Variants in SGCZ observed in about 807,000 individuals in gnomAD.
SGCZ encodes the protein sarcoglycan zeta.
A neutral mutation model predicts 41.3 loss-of-function variants in SGCZ; 40 were observed. The observed-to-expected ratio is 0.97, with a 90% confidence interval of 0.75 to 1.26. The LOEUF is 1.26. SGCZ is among the 50% of genes most tolerant of loss of function. The probability of loss-of-function intolerance (pLI) is 0.00; values close to 1 mark genes in which losing one functional copy is unlikely to be tolerated. For synonymous variants in SGCZ, 206 were observed against 137.5 expected (o/e 1.50, Z -3.49); for missense variants, 552 against 369.8 (o/e 1.49, Z -4.04).
rs150795197 is a variant in SGCZ at position 15,022,030 on chromosome 8, T to C, written c.39+215555A>G. 2.6e-5 allele frequency among the ~76,000 whole-genome samples: 4 copies of C among 152,340 alleles called. No individual in the cohort carries two copies. In the East Asian group the frequency reaches 7.7e-4, roughly 29 times the overall value. On this transcript the variant is annotated intron_variant, in intron 1 of 7. Coordinates refer to ENST00000382080, the MANE Select transcript of SGCZ (RefSeq NM_139167.4). ...ACCTTTCACATTTTGCCCTCTGTAA[T>C]AATGCTATAAACTGGTCCTTCTGGT...
chr8:14,198,482 A>G (rs143135472), intron 4 of SGCZ, among the ~76,000 whole-genome samples: 1,683 of 152,238 alleles, frequency 0.011, 16 homozygotes, highest in Non-Finnish European at 0.018. Flanking sequence ...AAAACTACCT[A>G]TTGAATAGTA....
intron 1 of SGCZ, among the ~76,000 whole-genome samples, chr8:14,867,659 A>G (rs760899855): frequency 1.3e-5 from 2 of 152,202 alleles, no homozygotes; most frequent in South Asian, 4.1e-4. Context: ...TAGCAAACTA[A>G]CACAGGAACA....
intron 1 of SGCZ, among the ~76,000 whole-genome samples, chr8:15,045,240 T>C (rs1419716738): frequency 1.3e-5 from 2 of 152,008 alleles, no homozygotes. Context: ...ACAAGAGACA[T>C]GATAAAATTC....
intron 2 of SGCZ, among the ~76,000 whole-genome samples, chr8:14,464,398 C>T (rs1345679093): frequency 6.6e-6 from 1 of 150,914 alleles, no homozygotes; most frequent in East Asian, 1.9e-4. Flanking sequence ...TTCACAGTTG[C>T]ATGTAGGACT....
In SGCZ at chr8:15,105,426, G is replaced by T. The variant is rs1187830266; in HGVS notation, c.39+132159C>A. 2.0e-5 allele frequency among the ~76,000 whole-genome samples: 3 copies of T among 152,252 alleles called. No homozygotes were observed. The East Asian group carries it at 5.8e-4, about 29-fold the overall frequency. On this transcript the variant is annotated intron_variant, in intron 1 of 7. Transcript: ENST00000382080. Reference sequence around the variant, plus strand: ...GCTATACAAGAAGCATGGCTAGGGTGCCTCAGGAAACGTACAATCAAGGCA... The same window carrying T: ...GCTATACAAGAAGCATGGCTAGGGTTCCTCAGGAAACGTACAATCAAGGCA...
intron 2 of SGCZ, among the ~76,000 whole-genome samples, chr8:14,423,807 TC>T (rs1799702218): frequency 6.6e-6 from 1 of 152,154 alleles, no homozygotes; most frequent in African/African-American, 2.4e-5. Flanking sequence ...TTTACCACTC[TC>T]CCTCTCTCAT....
At chr8:14,776,956 T>C (rs1485920250) in intron 1 of SGCZ, among the ~76,000 whole-genome samples, 2 of 152,176 alleles carry the variant, frequency 1.3e-5, no homozygotes, top group South Asian at 2.1e-4. Flanking sequence ...TGGAATAAAA[T>C]ACAATTTCCA....
rs557269757 is a variant in SGCZ at position 15,010,232 on chromosome 8, A to G, written c.39+227353T>C. Among the ~76,000 whole-genome samples the G allele has an allele frequency of 3.3e-5, 5 of 152,216 alleles. No homozygotes were observed. The South Asian group carries it at 1.0e-3, about 31-fold the overall frequency. Reference sequence around the variant, plus strand: ...AAATAGAAGAATGCTTTCAATGCAAATAATTTCTTAATTTAAATAATTCTT... The same window carrying G: ...AAATAGAAGAATGCTTTCAATGCAAGTAATTTCTTAATTTAAATAATTCTT... On this transcript the variant is annotated intron_variant, in intron 1 of 7. Coordinates refer to ENST00000382080, the MANE Select transcript of SGCZ (RefSeq NM_139167.4).
chr8:15,188,449 T>A (rs1800420359), intron 1 of SGCZ, among the ~76,000 whole-genome samples: 1 of 152,138 alleles, frequency 6.6e-6, no homozygotes, highest in Admixed American at 6.5e-5. Context: ...GTGTAAGAAA[T>A]CAGTTTCACT....
intron 1 of SGCZ, among the ~76,000 whole-genome samples, chr8:15,026,524 C>T (rs1159514464): frequency 1.3e-5 from 2 of 152,142 alleles, no homozygotes; most frequent in Non-Finnish European, 2.9e-5. Flanking sequence ...AACAAAAATG[C>T]ATTGATTCCC....
intron 4 of SGCZ, among the ~76,000 whole-genome samples, chr8:14,201,626 C>T (rs555783531): frequency 1.3e-5 from 2 of 152,208 alleles, no homozygotes; most frequent in South Asian, 2.1e-4. Flanking sequence ...TGAGAAGTGT[C>T]AGGGGAGTGG....
At chr8:14,375,103 T>A (rs1342828315) in intron 2 of SGCZ, among the ~76,000 whole-genome samples, 1 of 144,968 alleles carries the variant, frequency 6.9e-6, no homozygotes, top group East Asian at 2.0e-4. Context: ...GACAATCAGA[T>A]AGATAGATAG....
At chr8:14,866,860 A>G (rs981504679) in intron 1 of SGCZ, among the ~76,000 whole-genome samples, 3 of 152,170 alleles carry the variant, frequency 2.0e-5, no homozygotes, top group East Asian at 3.9e-4. Context: ...AAAAGAAAAA[A>G]AAGTTTATCT....
intron 1 of SGCZ, among the ~76,000 whole-genome samples, chr8:14,866,532 G>T (rs1022465199): frequency 5.3e-5 from 8 of 152,060 alleles, no homozygotes; most frequent in Non-Finnish European, 8.8e-5. Flanking sequence ...GACTTGGGCT[G>T]GGCACAGTGA....
chr8:14,272,097 A>G (rs112184389), intron 3 of SGCZ, among the ~76,000 whole-genome samples: 4,934 of 152,154 alleles, frequency 0.032, 99 homozygotes, highest in African/African-American at 0.054. Flanking sequence ...TCTGCCTCCC[A>G]GGTTCAAGCG....
intron 1 of SGCZ, among the ~76,000 whole-genome samples, chr8:14,887,761 G>C (rs913985487): frequency 6.6e-6 from 1 of 152,132 alleles, no homozygotes; most frequent in Non-Finnish European, 1.5e-5. Flanking sequence ...AGAAATGTAT[G>C]AAATCCCTTA....
intron 1 of SGCZ, among the ~76,000 whole-genome samples, chr8:15,117,427 A>G (rs1307639011): frequency 6.6e-6 from 1 of 152,216 alleles, no homozygotes; most frequent in Non-Finnish European, 1.5e-5. Flanking sequence ...CTTAAAGCAA[A>G]TATTATCTCC....
At chr8:14,208,204 G>C (rs1254468016) in intron 4 of SGCZ, among the ~76,000 whole-genome samples, 1 of 152,070 alleles carries the variant, frequency 6.6e-6, no homozygotes, top group Non-Finnish European at 1.5e-5. Context: ...TGAAAGTTTT[G>C]GATGCTAAAG....
chr8:15,155,622 A>G (rs571353162), intron 1 of SGCZ, among the ~76,000 whole-genome samples: 8 of 152,334 alleles, frequency 5.3e-5, no homozygotes, highest in African/African-American at 1.9e-4. Flanking sequence ...ATTCATATTA[A>G]TATAATTCTC....
Sources: gnomAD v4.1 joint callset for allele counts (sites outside exome capture counted in the v4.1 genomes callset) on GRCh38, gnomAD v4.1.1 for gene constraint, MANE v1.5 for transcripts, NCBI Gene and HGNC (gene_info 2026-07-23, HGNC 2026-07-21) for gene names.